The following PIR variants were observed in gnomAD, a reference collection of about 807,000 sequenced individuals.
PIR encodes pirin (iron-binding nuclear protein).
Under a neutral mutation model 24.2 loss-of-function variants are expected in PIR, and 22 were observed. The ratio of observed to expected loss-of-function variants is 0.91; its 90% confidence interval spans 0.65 to 1.30. PIR has a LOEUF of 1.30. PIR is among the 50% of genes most tolerant of loss of function. The pLI, the probability that PIR is intolerant of heterozygous loss-of-function variation, is 0.00. For missense variants in PIR, 220 were observed against 220.3 expected, an observed-to-expected ratio of 1.00 and a Z score of 0.01; for synonymous variants, 80 against 79.6, an observed-to-expected ratio of 1.00 and a Z score of -0.03.
At chrX:15,426,403 G>A (rs936016176) in intron 5 of PIR, among the ~76,000 whole-genome samples, 13 of 111,712 alleles carry the variant, frequency 1.2e-4, no homozygotes, top group Non-Finnish European at 2.3e-4. Context: ...TTAAAAATGC[G>A]GCCTGCACAT....
chrX:15,455,733 G>A, intron 5 of PIR, 115 bp downstream of exon 5: 1 of 586,707 alleles, frequency 1.7e-6, no homozygotes, highest in South Asian at 2.7e-5. Flanking sequence ...TATGAATCAA[G>A]TCCATCCCAT....
intron 6 of PIR, among the ~76,000 whole-genome samples, chrX:15,421,566 C>T (rs1019150077): frequency 9.1e-6 from 1 of 109,530 alleles, no homozygotes; most frequent in Non-Finnish European, 1.9e-5. Flanking sequence ...TTCCTGGATA[C>T]ATACAACCTA....
At chrX:15,458,308 C>G (rs1391489621) in intron 4 of PIR, among the ~76,000 whole-genome samples, 1 of 111,145 alleles carries the variant, frequency 9.0e-6, no homozygotes, top group African/African-American at 3.3e-5. Flanking sequence ...TCTTTAAATC[C>G]CCATTTCCTC....
intron 6 of PIR, among the ~76,000 whole-genome samples, chrX:15,424,731 C>T (rs1467106099): frequency 1.8e-5 from 2 of 112,250 alleles, no homozygotes; most frequent in Non-Finnish European, 3.8e-5. Context: ...CACAATGGCT[C>T]ATGCCTGAAA....
chrX:15,445,045 C>T (rs1051226375), intron 5 of PIR, among the ~76,000 whole-genome samples: 11 of 110,706 alleles, frequency 9.9e-5, no homozygotes, highest in Admixed American at 8.6e-4. Flanking sequence ...CCAGCTCTCC[C>T]TCTGTCCTGT....
At chrX:15,418,418 C>T (rs1269528691) in intron 6 of PIR, among the ~76,000 whole-genome samples, 1 of 112,243 alleles carries the variant, frequency 8.9e-6, no homozygotes, top group Non-Finnish European at 1.9e-5. Context: ...AGTCAGATTG[C>T]CTTGCGCCTT....
At chrX:15,474,349 C>T (rs1386470769) in intron 3 of PIR, among the ~76,000 whole-genome samples, 1 of 112,007 alleles carries the variant, frequency 8.9e-6, no homozygotes, top group Admixed American at 9.4e-5. Flanking sequence ...GCACATACTT[C>T]TAAGTTAGGT....
intron 2 of PIR, among the ~76,000 whole-genome samples, chrX:15,485,766 G>A (rs371514633): frequency 1.3e-4 from 15 of 112,143 alleles, no homozygotes; most frequent in African/African-American, 4.5e-4. Flanking sequence ...TGCAGTACTG[G>A]GTATTAGTCC....
At chrX:15,433,699 G>A (rs1925610418) in intron 5 of PIR, among the ~76,000 whole-genome samples, 1 of 70,767 alleles carries the variant, frequency 1.4e-5, no homozygotes, top group African/African-American at 5.4e-5. Context: ...AGGAGGAGGA[G>A]GAAGGAGAAA....
chrX:15,452,928 A>G (rs1377654064), intron 5 of PIR, among the ~76,000 whole-genome samples: 1 of 112,300 alleles, frequency 8.9e-6, no homozygotes, highest in Non-Finnish European at 1.9e-5. Flanking sequence ...TTGACTCTGT[A>G]TTGGTTATAA....
chrX:15,479,429 A>G (rs1922382705), intron 3 of PIR, among the ~76,000 whole-genome samples: 1 of 109,943 alleles, frequency 9.1e-6, no homozygotes, highest in Non-Finnish European at 1.9e-5. Flanking sequence ...GGTTTTCTAT[A>G]TAAAAAAGTA....
At chrX:15,487,810 G>A (rs1020347707) in intron 2 of PIR, among the ~76,000 whole-genome samples, 3 of 112,443 alleles carry the variant, frequency 2.7e-5, no homozygotes, top group African/African-American at 9.7e-5. Context: ...ATCACAGAAA[G>A]GCTCAGTGAG....
intron 5 of PIR, among the ~76,000 whole-genome samples, chrX:15,431,328 A>C (rs1469451573): frequency 8.9e-6 from 1 of 112,158 alleles, no homozygotes; most frequent in East Asian, 2.8e-4. Context: ...ATCTTTGATT[A>C]CATTTCTATT....
intron 3 of PIR, among the ~76,000 whole-genome samples, chrX:15,466,886 A>T (rs1274718146): frequency 8.9e-6 from 1 of 112,114 alleles, no homozygotes; most frequent in African/African-American, 3.2e-5. Flanking sequence ...TTTATCAATC[A>T]ATTCTGTATC....
At chrX:15,396,763 A>G (rs868347289) in intron 8 of PIR, among the ~76,000 whole-genome samples, 67 of 74,990 alleles carry the variant, frequency 8.9e-4, no homozygotes, top group African/African-American at 2.7e-3. Flanking sequence ...TTTTTTTGAG[A>G]CGGAGTCTCA....
chrX:15,491,972 A>G lies in PIR; in HGVS notation c.-52-663T>C, dbSNP rs1015565711. Among the ~76,000 whole-genome samples the G allele has an allele frequency of 1.3e-4, 14 of 109,890 alleles. 1 individual carries two copies. Among genetic ancestry groups the G allele is most frequent in the African/African-American group, 4.6e-4 (14 of 30,143 alleles). ...TTAGCAGCTCTGTTGGCCCCTTACT[A>G]AAAATCTCCAATGAACACTTTGTCT... is the stretch of plus-strand genomic sequence containing the variant. On this transcript the variant is annotated intron_variant, in intron 1 of 9. Coordinates refer to ENST00000380420, the MANE Select transcript of PIR (RefSeq NM_001018109.3).
At chrX:15,460,967 G>T (rs1246667979) in intron 3 of PIR, among the ~76,000 whole-genome samples, 1 of 112,141 alleles carries the variant, frequency 8.9e-6, no homozygotes, top group Non-Finnish European at 1.9e-5. Flanking sequence ...AGTAAACTGA[G>T]ATAAAGAATC....
intron 2 of PIR, among the ~76,000 whole-genome samples, chrX:15,485,681 T>C (rs1922770115): frequency 8.9e-6 from 1 of 112,013 alleles, no homozygotes; most frequent in Non-Finnish European, 1.9e-5. Flanking sequence ...AGAAAATTGG[T>C]GATATGTGTA....
chrX:15,394,568 T>C (rs908257986), intron 8 of PIR, among the ~76,000 whole-genome samples: 3 of 111,525 alleles, frequency 2.7e-5, no homozygotes, highest in Non-Finnish European at 5.6e-5. Context: ...TATACCACTA[T>C]AAACATAAGC....
Sources: gnomAD v4.1 joint callset for allele counts (sites outside exome capture counted in the v4.1 genomes callset) on GRCh38, gnomAD v4.1.1 for gene constraint, MANE v1.5 for transcripts, NCBI Gene and HGNC (gene_info 2026-07-23, HGNC 2026-07-21) for gene names.